The following C2orf92 variants were observed in gnomAD, a reference collection of about 807,000 sequenced individuals.
C2orf92 encodes chromosome 2 open reading frame 92.
At chr2:97,678,061 G>A (rs1314245926) in intron 3 of C2orf92, among the ~76,000 whole-genome samples, 6 of 151,936 alleles carry the variant, frequency 3.9e-5, no homozygotes, top group Admixed American at 1.3e-4. Context: ...TTAGCAGGGC[G>A]TGGTGGTGGG....
In C2orf92 at chr2:97,676,066, C is replaced by A. The variant is rs781265475; in HGVS notation, c.232+138C>A. ...TTTGCCTTGAGGCTAGAATCTGTTTCTCTATGAGTCAAAACCTCGATAAAT... is the reference window on the plus strand; with the variant it reads ...TTTGCCTTGAGGCTAGAATCTGTTTATCTATGAGTCAAAACCTCGATAAAT... On this transcript the variant is annotated intron_variant, in intron 3 of 7. Coordinates refer to ENST00000627399, the MANE Select transcript of C2orf92 (RefSeq NM_001351368.2). 36 of 397,512 alleles carry A rather than the reference C, an allele frequency of 9.1e-5. No individual in the cohort carries two copies. In the Middle Eastern group the frequency reaches 1.9e-3, roughly 21 times the overall value. The allele number at this position is 397,512 out of a possible 1,614,324, so 24.6% of individuals were successfully genotyped here. A position where few individuals can be genotyped will look rare whatever the true frequency, so the allele number is the denominator to read the frequency against.
At chr2:97,690,148 C>A (rs2104581739) in intron 4 of C2orf92, 108 bp from the exon 5 acceptor site, 3 of 350,264 alleles carry the variant, frequency 8.6e-6, no homozygotes, top group Admixed American at 4.7e-5. Context: ...AAAAAAACCA[C>A]AAAAAAACCA....
chr2:97,678,374 CAG>C (rs1306034060), intron 3 of C2orf92, among the ~76,000 whole-genome samples: 6 of 151,418 alleles, frequency 4.0e-5, no homozygotes, highest in South Asian at 4.2e-4. Context: ...AAGGGAAAGA[CAG>C]AGAGATATGA....
intron 1 of C2orf92, chr2:97,671,018 C>T (rs1414898049): frequency 6.6e-6 from 1 of 152,456 alleles, no homozygotes; most frequent in Non-Finnish European, 1.5e-5. Context: ...GTGGCGCTAT[C>T]TTGGCTCACT....
chr2:97,689,857 G>A (rs116704762), intron 4 of C2orf92, among the ~76,000 whole-genome samples: 6 of 152,266 alleles, frequency 3.9e-5, no homozygotes, highest in African/African-American at 1.2e-4. Flanking sequence ...AGCCAGGCGC[G>A]GTGGCTCACA....
At chr2:97,674,004 T>G (rs1042556204) in intron 1 of C2orf92, among the ~76,000 whole-genome samples, 1 of 152,218 alleles carries the variant, frequency 6.6e-6, no homozygotes, top group African/African-American at 2.4e-5. Flanking sequence ...AGAATGCACC[T>G]GGCTGCAATT....
chr2:97,673,485 G>A (rs962724468), intron 1 of C2orf92, among the ~76,000 whole-genome samples: 1 of 152,158 alleles, frequency 6.6e-6, no homozygotes, highest in Non-Finnish European at 1.5e-5. Flanking sequence ...GATCATGAGC[G>A]CCAGATTGTT....
At chr2:97,686,654 A>G (rs572687372) in intron 3 of C2orf92, among the ~76,000 whole-genome samples, 8 of 151,772 alleles carry the variant, frequency 5.3e-5, no homozygotes, top group Non-Finnish European at 8.8e-5. Flanking sequence ...CTCCTGACTC[A>G]TGATCTGCCC....
At chr2:97,683,508 C>T (rs1344168934) in intron 3 of C2orf92, among the ~76,000 whole-genome samples, 1 of 148,994 alleles carries the variant, frequency 6.7e-6, no homozygotes, top group East Asian at 2.0e-4. Context: ...GAGATCCAGC[C>T]TGGGCAACAC....
At chr2:97,691,923 AGT>A (rs1356827364) in intron 5 of C2orf92, among the ~76,000 whole-genome samples, 1 of 152,112 alleles carries the variant, frequency 6.6e-6, no homozygotes, top group Admixed American at 6.6e-5. Context: ...GCCTGAAAAT[AGT>A]GTGTTTTAAT....
chr2:97,685,297 G>A (rs1247744899), intron 3 of C2orf92, among the ~76,000 whole-genome samples: 2 of 143,308 alleles, frequency 1.4e-5, no homozygotes, highest in Non-Finnish European at 3.0e-5. Context: ...ACAAAGTCTC[G>A]CTCTGTCGCC....
intron 3 of C2orf92, among the ~76,000 whole-genome samples, chr2:97,677,175 CT>C (rs1675611021): frequency 6.6e-6 from 1 of 152,128 alleles, no homozygotes. Context: ...GTCCACATTC[CT>C]AGTGAGGATT....
chr2:97,666,621 T>C (rs1287613387), upstream of C2orf92, among the ~76,000 whole-genome samples: 1 of 151,004 alleles, frequency 6.6e-6, no homozygotes, highest in Non-Finnish European at 1.5e-5. Flanking sequence ...AGTGGGTGGA[T>C]TGCTTGAGCC....
chr2:97,694,805 C>G (rs1676259181), intron 5 of C2orf92, among the ~76,000 whole-genome samples: 1 of 152,148 alleles, frequency 6.6e-6, no homozygotes, highest in Non-Finnish European at 1.5e-5. Flanking sequence ...TGAGGAAACG[C>G]CATGCTGTTT....
At chr2:97,672,685 GC>G (rs1675452430) in intron 1 of C2orf92, among the ~76,000 whole-genome samples, 1 of 151,854 alleles carries the variant, frequency 6.6e-6, no homozygotes. Flanking sequence ...GGCACTGGAG[GC>G]CACGGCTCAA....
intron 6 of C2orf92, among the ~76,000 whole-genome samples, chr2:97,699,933 C>T (rs568852741): frequency 2.0e-5 from 3 of 152,326 alleles, no homozygotes; most frequent in East Asian, 3.9e-4. Flanking sequence ...CTGGACATGC[C>T]CTGTTTTCTC....
upstream of C2orf92, among the ~76,000 whole-genome samples, chr2:97,665,373 G>C (rs140115043): frequency 1.3e-5 from 2 of 152,248 alleles, 1 homozygote; most frequent in East Asian, 3.9e-4. Context: ...CAATATTGTT[G>C]CTGGAAAAGG....
intron 6 of C2orf92, among the ~76,000 whole-genome samples, chr2:97,699,425 G>A (rs780358132): frequency 1.3e-5 from 2 of 152,006 alleles, no homozygotes; most frequent in African/African-American, 2.4e-5. Context: ...GTAAAACCCC[G>A]TCTCTACTAA....
At chr2:97,700,583 T>C in intron 6 of C2orf92, among the ~76,000 whole-genome samples, 1 of 152,102 alleles carries the variant, frequency 6.6e-6, no homozygotes, top group East Asian at 1.9e-4. Context: ...TGCCAGCCCG[T>C]ATCCTCAGTG....
Sources: allele counts gnomAD v4.1 joint callset (sites outside exome capture counted in the v4.1 genomes callset), GRCh38; gene constraint gnomAD v4.1.1; transcripts MANE v1.5; gene names NCBI Gene and HGNC (gene_info 2026-07-23, HGNC 2026-07-21).